HNF1B: variants seen among roughly 807,000 people sequenced by gnomAD.
HNF1B encodes HNF1 homeobox B.
Under a neutral mutation model 61.7 loss-of-function variants are expected in HNF1B, and 8 were observed. That is an observed-to-expected ratio of 0.13 (90% CI 0.08 to 0.23). The LOEUF (loss-of-function observed/expected upper bound fraction) is 0.23. Ranked by LOEUF, HNF1B falls within the 10% of genes least tolerant of loss-of-function variation. The pLI is 1.00. For synonymous variants in HNF1B, 314 were observed against 287.7 expected, an observed-to-expected ratio of 1.09 and a Z score of -0.93; for missense variants, 562 against 714.5, an observed-to-expected ratio of 0.79 and a Z score of 2.43.
chr17:37,714,412 T>C (rs2033037166), intron 4 of HNF1B, among the ~76,000 whole-genome samples: 1 of 152,246 alleles, frequency 6.6e-6, no homozygotes, highest in Non-Finnish European at 1.5e-5. Flanking sequence ...ACAAGGGCTC[T>C]GGTTTAATAT....
At chr17:37,725,792 C>A (rs997773355) in intron 4 of HNF1B, among the ~76,000 whole-genome samples, 1 of 152,218 alleles carries the variant, frequency 6.6e-6, no homozygotes, top group African/African-American at 2.4e-5. Context: ...GTCTGCTGCC[C>A]AGGGAGGGGG....
chr17:37,744,307 T>C (rs565360217), intron 1 of HNF1B, among the ~76,000 whole-genome samples: 1 of 152,346 alleles, frequency 6.6e-6, no homozygotes, highest in African/African-American at 2.4e-5. Context: ...GGAAAAGCCC[T>C]TGGGTCTCGG....
intron 4 of HNF1B, among the ~76,000 whole-genome samples, chr17:37,723,835 C>T (rs940304233): frequency 3.3e-5 from 5 of 152,158 alleles, no homozygotes; most frequent in African/African-American, 1.2e-4. Flanking sequence ...GAGTGTTTTA[C>T]ATATATATTA....
In HNF1B at chr17:37,742,852, G is replaced by T. The variant is rs1373501648; in HGVS notation, c.344+1689C>A. Among the ~76,000 whole-genome samples, 4 of 151,364 alleles carry T rather than the reference G, an allele frequency of 2.6e-5. No homozygotes were observed. In the East Asian group the frequency reaches 7.7e-4, roughly 29 times the overall value. On this transcript the variant is annotated intron_variant, in intron 1 of 8. Transcript: ENST00000617811. The stretch of plus-strand genomic sequence containing the variant: ...GAGCGGTGAGGCCGCAGGGCCGCAC[G>T]GGGCGCCTGGCTGGGTGCGCGCTGG...
chr17:37,726,262 C>T (rs2033494612), intron 4 of HNF1B, among the ~76,000 whole-genome samples: 1 of 152,122 alleles, frequency 6.6e-6, no homozygotes, highest in Admixed American at 6.5e-5. Context: ...AAAACCTCTC[C>T]CCACCACTTA....
intron 4 of HNF1B, among the ~76,000 whole-genome samples, chr17:37,725,422 C>G (rs1034994947): frequency 1.3e-5 from 2 of 152,184 alleles, no homozygotes; most frequent in Admixed American, 1.3e-4. Context: ...GGGAGGCTGA[C>G]AGCAGAACAC....
intron 8 of HNF1B, among the ~76,000 whole-genome samples, chr17:37,690,426 G>A (rs972159769): frequency 6.6e-6 from 1 of 152,200 alleles, no homozygotes; most frequent in African/African-American, 2.4e-5. Flanking sequence ...TGACATGCTT[G>A]ATGTCTCTTT....
Position 37,739,693 on chromosome 17 carries a change from C to T in HNF1B, c.345-54G>A. The T allele has an allele frequency of 2.8e-6, 4 of 1,433,858 alleles. No homozygotes were observed. The Admixed American group carries it at 5.8e-5, about 21-fold the overall frequency. The allele number at this position is 1,433,858 out of a possible 1,614,324, so 88.8% of individuals were successfully genotyped here. A position where few individuals can be genotyped will look rare whatever the true frequency, so the allele number is the denominator to read the frequency against. On this transcript the variant is annotated intron_variant, in intron 1 of 8. Coordinates refer to ENST00000617811, the MANE Select transcript of HNF1B (RefSeq NM_000458.4). ...CTAGTGGGAGACATCTGGGGAGAAA[C>T]ATTCTTTTTCTAGGGGGTGCTACCT...
At position 37,691,818 on chromosome 17, in the gene HNF1B, A is replaced by G. The variant is rs139204044; in HGVS notation, c.1654-4426T>C. 1.5e-4 allele frequency among the ~76,000 whole-genome samples: 23 copies of G among 152,286 alleles called. No homozygotes were observed. The East Asian group carries it at 3.3e-3, about 22-fold the overall frequency. ...ATCAGAACACTCTGCTTCCTCACCC[A>G]GTGAAGAAGCTGGGAGAGGAATAGC... On this transcript the variant is annotated intron_variant, in intron 8 of 8. Coordinates refer to ENST00000617811, the MANE Select transcript of HNF1B (RefSeq NM_000458.4).
chr17:37,699,486 T>C (rs1568637121), intron 7 of HNF1B, among the ~76,000 whole-genome samples: 1 of 152,224 alleles, frequency 6.6e-6, no homozygotes, highest in East Asian at 1.9e-4. Flanking sequence ...GGTCACTGGC[T>C]GTTGCCTCGG....
intron 1 of HNF1B, among the ~76,000 whole-genome samples, chr17:37,742,724 C>A (rs1364858814): frequency 1.3e-5 from 2 of 151,184 alleles, no homozygotes; most frequent in Non-Finnish European, 3.0e-5. Context: ...GGTCTAAGGA[C>A]CCTGGGCCGG....
chr17:37,742,622 G>A (rs2147588249), intron 1 of HNF1B, among the ~76,000 whole-genome samples: 1 of 152,230 alleles, frequency 6.6e-6, no homozygotes, highest in Admixed American at 6.5e-5. Context: ...GGTCTGTCCC[G>A]CGTCTCCAAC....
At chr17:37,694,798 T>G (rs1249171049) in intron 8 of HNF1B, among the ~76,000 whole-genome samples, 1 of 152,140 alleles carries the variant, frequency 6.6e-6, no homozygotes, top group Non-Finnish European at 1.5e-5. Context: ...AGAAGACATT[T>G]CTAAGCGGTA....
rs2147406861 is a variant in HNF1B, at chr17:37,687,104, C to T, written c.*268G>A. Reference sequence around the variant, plus strand: ...TTTCTTGCTTCCTCTTCGGAGGTTCCTTGTCTCCCACCTCCAGGACAGACA... The same window carrying T: ...TTTCTTGCTTCCTCTTCGGAGGTTCTTTGTCTCCCACCTCCAGGACAGACA... On this transcript the variant is annotated 3_prime_UTR_variant, in exon 9 of 9. Coordinates refer to ENST00000617811, the MANE Select transcript of HNF1B (RefSeq NM_000458.4). The T allele has an allele frequency of 1.6e-6, 1 of 621,408 alleles. No homozygotes were observed. The highest frequency in any genetic ancestry group is 2.9e-6 in the Non-Finnish European group (1 of 348,012). The allele number at this position is 621,408 out of a possible 1,614,324, so 38.5% of individuals were successfully genotyped here.
chr17:37,718,647 G>A (rs890815747), intron 4 of HNF1B, among the ~76,000 whole-genome samples: 1 of 152,152 alleles, frequency 6.6e-6, no homozygotes, highest in African/African-American at 2.4e-5. Context: ...TCCCCATCAC[G>A]ACCCACTAAT....
intron 2 of HNF1B, 93 bp from the exon 3 acceptor site, chr17:37,733,914 T>C: frequency 2.1e-6 from 3 of 1,443,222 alleles, no homozygotes; most frequent in South Asian, 2.3e-5. Flanking sequence ...AAGACACCTT[T>C]ATTCCCCTCG....
intron 4 of HNF1B, among the ~76,000 whole-genome samples, chr17:37,713,504 A>T (rs1158573321): frequency 6.6e-6 from 1 of 152,242 alleles, no homozygotes; most frequent in East Asian, 1.9e-4. Flanking sequence ...TCTCCCCAAC[A>T]AAACTTTATT....
intron 4 of HNF1B, among the ~76,000 whole-genome samples, chr17:37,715,775 A>G (rs888961106): frequency 6.6e-6 from 1 of 152,194 alleles, no homozygotes; most frequent in Non-Finnish European, 1.5e-5. Flanking sequence ...TAGCATTGAT[A>G]TATTTCTTAA....
At chr17:37,690,815 G>A (rs781439719) in intron 8 of HNF1B, among the ~76,000 whole-genome samples, 5 of 152,210 alleles carry the variant, frequency 3.3e-5, no homozygotes, top group African/African-American at 4.8e-5. Flanking sequence ...TTAGACATGC[G>A]TCTGTCCCTG....
Sources: gnomAD v4.1 joint callset for allele counts (sites outside exome capture counted in the v4.1 genomes callset) on GRCh38, gnomAD v4.1.1 for gene constraint, MANE v1.5 for transcripts, NCBI Gene and HGNC (gene_info 2026-07-23, HGNC 2026-07-21) for gene names.